The following DHRSX variants were observed in gnomAD, a reference collection of about 807,000 sequenced individuals.
DHRSX encodes dehydrogenase/reductase X-linked, also known as polyprenol dehydrogenase.
Under a neutral mutation model 34.0 loss-of-function variants are expected in DHRSX, and 31 were observed. That is an observed-to-expected ratio of 0.91 (90% CI 0.69 to 1.23). The LOEUF (loss-of-function observed/expected upper bound fraction) is 1.23. Among genes scored for constraint, DHRSX ranks in the 50% most tolerant of loss-of-function variants. DHRSX has a pLI of 0.00. For missense variants in DHRSX, 414 were observed against 428.1 expected (o/e 0.97, Z 0.29); for synonymous variants, 201 against 183.8 (o/e 1.09, Z -0.76).
chrX:2,393,911 C>T (rs752608295), intron 3 of DHRSX, among the ~76,000 whole-genome samples: 131 of 151,072 alleles, frequency 8.7e-4, no homozygotes, highest in African/African-American at 3.0e-3. Flanking sequence ...CCTGCACACA[C>T]GACACACAGT....
chrX:2,314,224 AGGAAG>A (rs1482168620), intron 3 of DHRSX, among the ~76,000 whole-genome samples: 1 of 11,722 alleles, frequency 8.5e-5, no homozygotes, highest in African/African-American at 6.0e-4. Flanking sequence ...GAAGGAGGGA[AGGAAG>A]GGAGGGAGGG....
Position 2,481,160 on chromosome X carries a change from G to A in DHRSX, c.109+19657C>T, listed in dbSNP as rs771339799. On this transcript the variant is annotated intron_variant, in intron 1 of 6. Transcript: ENST00000334651. ...ATGTGTACTCGGATTAAAACATCAC[G>A]TCGTACCTCCTATATATGTATACAA... Among the ~76,000 whole-genome samples, 48 of 152,208 alleles carry A rather than the reference G, an allele frequency of 3.2e-4. No homozygotes were observed. In the South Asian group the frequency reaches 8.9e-3, roughly 28 times the overall value.
intron 3 of DHRSX, among the ~76,000 whole-genome samples, chrX:2,398,755 C>T (rs1324757669): frequency 7.3e-5 from 11 of 151,318 alleles, no homozygotes; most frequent in African/African-American, 1.9e-4. Context: ...CTGAAAACTC[C>T]GCCTCCCAGG....
chrX:2,471,406 A>C (rs1243756360), intron 1 of DHRSX, among the ~76,000 whole-genome samples: 1 of 152,136 alleles, frequency 6.6e-6, no homozygotes, highest in Admixed American at 6.6e-5. Flanking sequence ...TTCTCTACTA[A>C]AAATTCAAAA....
intron 3 of DHRSX, among the ~76,000 whole-genome samples, chrX:2,311,383 G>T (rs1284335245): frequency 6.6e-5 from 10 of 152,050 alleles, no homozygotes; most frequent in Non-Finnish European, 7.4e-5. Flanking sequence ...ACATCACTAC[G>T]AGAGAACTCA....
intron 3 of DHRSX, among the ~76,000 whole-genome samples, chrX:2,375,284 A>G (rs2043126931): frequency 7.2e-6 from 1 of 138,030 alleles, no homozygotes; most frequent in Admixed American, 7.2e-5. Flanking sequence ...ATTAGTGCAC[A>G]TCACACAATG....
At chrX:2,294,867 G>T (rs1238343812) in intron 3 of DHRSX, among the ~76,000 whole-genome samples, 1 of 152,008 alleles carries the variant, frequency 6.6e-6, no homozygotes, top group African/African-American at 2.4e-5. Flanking sequence ...AAAAGAAAGA[G>T]AATGAAATGA....
chrX:2,322,963 G>C (rs774910943), intron 3 of DHRSX, among the ~76,000 whole-genome samples: 1 of 151,592 alleles, frequency 6.6e-6, no homozygotes, highest in African/African-American at 2.4e-5. Context: ...TTGCTCTGTC[G>C]CCCAGGCTGG....
intron 1 of DHRSX, among the ~76,000 whole-genome samples, chrX:2,437,706 T>A (rs1458056038): frequency 4.4e-5 from 1 of 22,544 alleles, no homozygotes; most frequent in Non-Finnish European, 1.0e-4. Flanking sequence ...AGAGTGTGTG[T>A]GTGTGTGTGT....
intron 3 of DHRSX, among the ~76,000 whole-genome samples, chrX:2,309,702 G>C (rs1049747243): frequency 2.6e-5 from 4 of 152,100 alleles, no homozygotes; most frequent in Admixed American, 1.3e-4. Flanking sequence ...CTTGAGGCCA[G>C]TTCAAGAGCA....
intron 3 of DHRSX, among the ~76,000 whole-genome samples, chrX:2,331,583 G>A (rs1054695918): frequency 1.9e-4 from 29 of 151,596 alleles, no homozygotes; most frequent in African/African-American, 5.3e-4. Flanking sequence ...GAGTAGCTGG[G>A]ATTACAGGTG....
chrX:2,347,748 C>A (rs1201317652), intron 3 of DHRSX, among the ~76,000 whole-genome samples: 1 of 152,112 alleles, frequency 6.6e-6, no homozygotes, highest in Non-Finnish European at 1.5e-5. Context: ...ATGTAATGAG[C>A]TGTACATTTT....
In DHRSX at chrX:2,385,110, A is replaced by ATGTGTGTG. The variant is rs934167358; in HGVS notation, c.286+23627_286+23634dup. Among the ~76,000 whole-genome samples the ATGTGTGTG allele has an allele frequency of 8.2e-3, 1,199 of 146,588 alleles. 28 individuals are homozygous for ATGTGTGTG. Among genetic ancestry groups the ATGTGTGTG allele is most frequent in the East Asian group, 0.062 (304 of 4,906 alleles). On this transcript the variant is annotated intron_variant, in intron 3 of 6. Transcript: ENST00000334651. The stretch of plus-strand genomic sequence containing the variant: ...GAGTGAGACTCCATCTCAAATATAT[A>ATGTGTGTG]TGTGTGTGTGTGTGTGTGTGTGTGT...
chrX:2,486,305 C>T (rs2044926836), intron 1 of DHRSX: 1 of 152,062 alleles, frequency 6.6e-6, no homozygotes, highest in Non-Finnish European at 1.5e-5. Context: ...GAAAAAGTTG[C>T]TTTCAACAAG....
intron 3 of DHRSX, among the ~76,000 whole-genome samples, chrX:2,329,744 C>G (rs972964141): frequency 1.3e-5 from 2 of 152,088 alleles, no homozygotes; most frequent in African/African-American, 4.8e-5. Context: ...ACCTTCAAAT[C>G]CTAGCCCGCA....
intron 6 of DHRSX, among the ~76,000 whole-genome samples, chrX:2,241,506 A>G (rs1025559819): frequency 2.0e-5 from 3 of 152,132 alleles, no homozygotes; most frequent in Non-Finnish European, 4.4e-5. Flanking sequence ...CTGAACCCAC[A>G]TCGCGGAGGA....
intron 1 of DHRSX, among the ~76,000 whole-genome samples, chrX:2,468,632 C>T (rs1372717925): frequency 3.3e-5 from 5 of 151,668 alleles, no homozygotes; most frequent in Non-Finnish European, 7.4e-5. Context: ...CCGCCATGTA[C>T]ACACTGAAGA....
At chrX:2,390,352 C>T (rs1226526151) in intron 3 of DHRSX, among the ~76,000 whole-genome samples, 1 of 146,694 alleles carries the variant, frequency 6.8e-6, no homozygotes, top group Admixed American at 6.8e-5. Context: ...TGGTCAGGCT[C>T]GTCTCAAACT....
intron 3 of DHRSX, among the ~76,000 whole-genome samples, chrX:2,385,904 T>G (rs2043265511): frequency 6.6e-6 from 1 of 152,060 alleles, no homozygotes; most frequent in Admixed American, 6.6e-5. Flanking sequence ...CCAGTAGATT[T>G]TTGGATAAAT....
Sources: gnomAD v4.1 joint callset for allele counts (sites outside exome capture counted in the v4.1 genomes callset) on GRCh38, gnomAD v4.1.1 for gene constraint, MANE v1.5 for transcripts, NCBI Gene and HGNC (gene_info 2026-07-23, HGNC 2026-07-21) for gene names.